The following NDRG4 variants were observed in gnomAD, a reference collection of about 807,000 sequenced individuals.
NDRG4 encodes protein NDRG4.
Under a neutral mutation model 55.8 loss-of-function variants are expected in NDRG4, and 38 were observed. The ratio of observed to expected loss-of-function variants is 0.68; its 90% CI spans 0.53 to 0.89. NDRG4 has a LOEUF of 0.89. NDRG4 is among the 40% of genes least tolerant of loss of function. NDRG4 has a pLI of 0.00. For missense variants in NDRG4, 455 were observed against 468.6 expected, an observed-to-expected ratio of 0.97 and a Z score of 0.27; for synonymous variants, 190 against 182.7, an observed-to-expected ratio of 1.04 and a Z score of -0.32.
chr16:58,464,425 G>A lies in NDRG4; in HGVS notation c.-24+628G>A. 7.3e-7 allele frequency: 1 copy of A among 1,367,438 alleles called. No homozygotes were observed. 84.7% of individuals were successfully genotyped at this position (1,367,438 alleles called of 1,614,324 possible). On this transcript the variant is annotated intron_variant, in intron 1 of 15. Coordinates refer to the NDRG4 transcript ENST00000258187. The surrounding 1 kb of genome is among the most constrained non-coding windows in gnomAD (Gnocchi z 4.8). ...CACCCAGAGCCGGGCCGCGCCGGGC[G>A]CCGAGATGAAGGTGCTGGGACACCG... is the stretch of plus-strand genomic sequence containing the variant.
chr16:58,502,720 G>A (rs4784045), intron 1 of NDRG4, among the ~76,000 whole-genome samples: 88,859 of 152,044 alleles, frequency 0.58, 26,252 homozygotes, highest in South Asian at 0.75. Context: ...GTGCTCAGTC[G>A]CTTGATGTTT....
intron 1 of NDRG4, chr16:58,500,646 G>A: frequency 2.1e-6 from 1 of 484,716 alleles, no homozygotes; most frequent in Non-Finnish European, 3.6e-6. Flanking sequence ...GTGTGCGCTT[G>A]GATGGTGTCT....
At chr16:58,503,661 T>TG (rs1284894652) in intron 1 of NDRG4, 137 bp from the exon 2 acceptor site, 6 of 1,525,436 alleles carry the variant, frequency 3.9e-6, no homozygotes, top group Non-Finnish European at 4.4e-6. Flanking sequence ...GGGGGCTTCT[T>TG]GGGGTGATGA....
At chr16:58,487,231 A>ATTTGCTCTT (rs2035199668) in intron 1 of NDRG4, among the ~76,000 whole-genome samples, 1 of 152,210 alleles carries the variant, frequency 6.6e-6, no homozygotes, top group African/African-American at 2.4e-5. Flanking sequence ...TTTTAAGAGC[A>ATTTGCTCTT]AATAATAGGC....
At chr16:58,505,737 T>TTTTTTTTTTTTG (rs2037876706) in intron 5 of NDRG4, among the ~76,000 whole-genome samples, 2 of 142,376 alleles carry the variant, frequency 1.4e-5, no homozygotes, top group African/African-American at 2.7e-5. Flanking sequence ...TTTTTTTTTT[T>TTTTTTTTTTTTG]TTGAGATGGA....
intron 2 of NDRG4, among the ~76,000 whole-genome samples, chr16:58,490,211 T>C (rs1195242810): frequency 6.6e-6 from 1 of 152,210 alleles, no homozygotes; most frequent in African/African-American, 2.4e-5. Flanking sequence ...ATGGTGGCCC[T>C]TGGGGACCCC....
intron 1 of NDRG4, among the ~76,000 whole-genome samples, chr16:58,478,912 C>T (rs1180187106): frequency 2.0e-5 from 3 of 151,984 alleles, no homozygotes; most frequent in African/African-American, 7.3e-5. Flanking sequence ...CTTCTAAACC[C>T]ATATCCTTCC....
intron 14 of NDRG4, 151 bp from the exon 15 acceptor site, chr16:58,511,271 C>G: frequency 3.4e-6 from 3 of 882,790 alleles, no homozygotes; most frequent in South Asian, 1.6e-5. Context: ...GCCCCCAGCC[C>G]GACAGCTGTC....
At chr16:58,495,887 G>C (rs1448100010), upstream of NDRG4, among the ~76,000 whole-genome samples, 1 of 152,244 alleles carries the variant, frequency 6.6e-6, no homozygotes, top group Non-Finnish European at 1.5e-5. Context: ...GGTTCCGGCA[G>C]TGGGGAGTGA....
Position 58,510,605 on chromosome 16 carries a change from C to G in NDRG4, c.866-40C>G, listed in dbSNP as rs1218957369. On this transcript the variant is annotated intron_variant, in intron 13 of 14. Coordinates refer to ENST00000570248, the MANE Select transcript of NDRG4 (RefSeq NM_001242835.2). ...ACGCTCTTCACTGTGTTGTGTCTCCCCCATCCCCGCCCCCTCTCCGGCTCT... is the reference window on the plus strand; with the variant it reads ...ACGCTCTTCACTGTGTTGTGTCTCCGCCATCCCCGCCCCCTCTCCGGCTCT... The G allele has an allele frequency of 2.0e-6, 3 of 1,521,848 alleles. No homozygotes were observed. In the Admixed American group the frequency reaches 5.9e-5, roughly 30 times the overall value. 94.3% of individuals were successfully genotyped at this position (1,521,848 alleles called of 1,614,324 possible).
chr16:58,487,779 A>G (rs2035278009), exon 2 of NDRG4: 4 of 1,543,590 alleles, frequency 2.6e-6, no homozygotes, highest in African/African-American at 1.4e-5. Flanking sequence ...CGACGTGACC[A>G]TGGCCGGGCT....
At chr16:58,482,626 C>T (rs2034544356) in intron 1 of NDRG4, among the ~76,000 whole-genome samples, 2 of 151,636 alleles carry the variant, frequency 1.3e-5, no homozygotes, top group African/African-American at 4.9e-5. Flanking sequence ...CTCTTCTCTT[C>T]TCTTTTTCCT....
At position 58,464,427 on chromosome 16, in the gene NDRG4, C is replaced by G. The variant is rs903123734; in HGVS notation, c.-24+630C>G. 31 of 1,367,208 alleles carry G rather than the reference C, an allele frequency of 2.3e-5. No homozygotes were observed. Among genetic ancestry groups the G allele is most frequent in the African/African-American group, 6.1e-5 (4 of 65,482 alleles). The allele number at this position is 1,367,208 out of a possible 1,614,324, so 84.7% of individuals were successfully genotyped here. On this transcript the variant is annotated intron_variant, in intron 1 of 15. Coordinates refer to the NDRG4 transcript ENST00000258187. This position sits in a 1 kb window ranked among gnomAD's most constrained non-coding sequence, Gnocchi z 4.8. ...CCCAGAGCCGGGCCGCGCCGGGCGCCGAGATGAAGGTGCTGGGACACCGGC... is the reference window on the plus strand; with the variant it reads ...CCCAGAGCCGGGCCGCGCCGGGCGCGGAGATGAAGGTGCTGGGACACCGGC...
intron 1 of NDRG4, chr16:58,501,901 GCTCT>G: frequency 2.3e-6 from 1 of 441,718 alleles, no homozygotes; most frequent in Non-Finnish European, 4.6e-6. Flanking sequence ...ACCGCCCTGG[GCTCT>G]CGACGTCTGA....
At chr16:58,486,852 T>G (rs936389288) in intron 1 of NDRG4, among the ~76,000 whole-genome samples, 1 of 152,124 alleles carries the variant, frequency 6.6e-6, no homozygotes, top group African/African-American at 2.4e-5. Context: ...GCAGCCCCTG[T>G]GTATCACCCC....
intron 5 of NDRG4, among the ~76,000 whole-genome samples, chr16:58,505,564 A>AC: frequency 6.6e-6 from 1 of 151,898 alleles, no homozygotes; most frequent in Non-Finnish European, 1.5e-5. Context: ...ATTCCCTGCC[A>AC]CCCTAGACAA....
chr16:58,488,818 G>T (rs1013058642), intron 2 of NDRG4, among the ~76,000 whole-genome samples: 1 of 152,168 alleles, frequency 6.6e-6, no homozygotes, highest in Admixed American at 6.5e-5. Context: ...AACTGATAAG[G>T]CCTGGCTTAT....
chr16:58,511,293 G>A (rs2038771435), intron 14 of NDRG4, 129 bp from the exon 15 acceptor site: 2 of 1,087,612 alleles, frequency 1.8e-6, no homozygotes, highest in South Asian at 3.0e-5. Context: ...CCAGCCTCCT[G>A]ACTCAGGAGG....
At chr16:58,468,118 T>G (rs2032066518) in intron 1 of NDRG4, among the ~76,000 whole-genome samples, 1 of 152,174 alleles carries the variant, frequency 6.6e-6, no homozygotes, top group Non-Finnish European at 1.5e-5. Context: ...GAAGGCCAGG[T>G]GCCCCCTCAC....
Sources: gnomAD v4.1 joint callset for allele counts (sites outside exome capture counted in the v4.1 genomes callset) on GRCh38, gnomAD v4.1.1 for gene constraint, Gnocchi (gnomAD v3.1) non-coding constraint, MANE v1.5 for transcripts, NCBI Gene and HGNC (gene_info 2026-07-23, HGNC 2026-07-21) for gene names.